AGAP1: variants seen among roughly 807,000 people sequenced by gnomAD.
The protein encoded by AGAP1 is ArfGAP with GTPase domain, ankyrin repeat and PH domain 1.
AGAP1 carries 29 observed loss-of-function variants against 105.3 expected under a neutral mutation model. That is an observed-to-expected ratio of 0.28 (90% CI 0.21 to 0.38). AGAP1 has a LOEUF of 0.38. AGAP1 is among the 10% of genes least tolerant of loss of function. AGAP1 has a pLI of 1.00. For synonymous variants in AGAP1, 509 were observed against 485.9 expected, an observed-to-expected ratio of 1.05 and a Z score of -0.63; for missense variants, 998 against 1,165.1, an observed-to-expected ratio of 0.86 and a Z score of 2.09.
In AGAP1 at chr2:235,709,302, G is replaced by A. The variant is rs1950708257; in HGVS notation, c.222+65G>A. 6.5e-6 allele frequency: 10 copies of A among 1,544,304 alleles called. 1 individual carries two copies. In the South Asian group the frequency reaches 8.9e-5, roughly 14 times the overall value. On this transcript the variant is annotated intron_variant, in intron 2 of 17. Transcript: ENST00000304032. ...AGGGGCTCTGTGCACACCCAAGCCTGCATTCCCAGGCAACTGGTCATCGCC... is the reference window on the plus strand; with the variant it reads ...AGGGGCTCTGTGCACACCCAAGCCTACATTCCCAGGCAACTGGTCATCGCC...
At position 235,692,646 on chromosome 2, in the gene AGAP1, C is replaced by T. The variant is rs1325197349; in HGVS notation, c.164-16533C>T. 6.6e-6 allele frequency among the ~76,000 whole-genome samples: 1 copy of T among 152,098 alleles called. No homozygotes were observed. Among genetic ancestry groups the T allele is most frequent in the Admixed American group, 6.5e-5 (1 of 15,276 alleles). On this transcript the variant is annotated intron_variant, in intron 1 of 17. Coordinates refer to ENST00000304032, the MANE Select transcript of AGAP1 (RefSeq NM_001037131.3). This position sits in a 1 kb window ranked among gnomAD's most constrained non-coding sequence, Gnocchi z 5.8. ...CTAGCCAGTGGGTTCCCCTCGCTGA[C>T]CCTCAGCCCTCAGGCCCAGCACCTC...
chr2:235,646,778 C>G (rs546701002), intron 1 of AGAP1, among the ~76,000 whole-genome samples: 2 of 152,324 alleles, frequency 1.3e-5, no homozygotes, highest in East Asian at 3.9e-4. Context: ...CTGAGGCCTT[C>G]TGTACAACCT....
Position 235,830,493 on chromosome 2 carries a change from G to A in AGAP1, c.1050+23162G>A, listed in dbSNP as rs1460697764. On this transcript the variant is annotated intron_variant, in intron 9 of 17. Coordinates refer to ENST00000304032, the MANE Select transcript of AGAP1 (RefSeq NM_001037131.3). This position sits in a 1 kb window ranked among gnomAD's most constrained non-coding sequence, Gnocchi z 5.5. ...ATTTCATTAAACATCCCATCAGAAA[G>A]CCTCTGATAGAGGGTGCCCTCTCAT... is the stretch of plus-strand genomic sequence containing the variant. 6.6e-6 allele frequency among the ~76,000 whole-genome samples: 1 copy of A among 152,136 alleles called. No homozygotes were observed. Among genetic ancestry groups the A allele is most frequent in the Non-Finnish European group, 1.5e-5 (1 of 68,038 alleles).
At chr2:235,640,795 G>T (rs1466131195) in intron 1 of AGAP1, among the ~76,000 whole-genome samples, 1 of 152,212 alleles carries the variant, frequency 6.6e-6, no homozygotes, top group Non-Finnish European at 1.5e-5. Context: ...GCCTGAGAGT[G>T]AGTCTGAGAG....
intron 13 of AGAP1, among the ~76,000 whole-genome samples, chr2:236,011,358 T>C (rs1434450604): frequency 1.3e-5 from 2 of 152,238 alleles, no homozygotes; most frequent in Non-Finnish European, 2.9e-5. Flanking sequence ...TTGTCTACAC[T>C]GGAGCTGACA....
chr2:235,867,394 C>T lies in AGAP1; in HGVS notation c.1051-15951C>T, dbSNP rs1355365593. On this transcript the variant is annotated intron_variant, in intron 9 of 17. Coordinates refer to ENST00000304032, the MANE Select transcript of AGAP1 (RefSeq NM_001037131.3). The surrounding 1 kb of genome is among the most constrained non-coding windows in gnomAD (Gnocchi z 5.4). ...GAAAGAGGCAGAGGATCAGATTTGG[C>T]CGACATGTGGGAGCTTGCCGGCCCC... 6.6e-6 allele frequency among the ~76,000 whole-genome samples: 1 copy of T among 152,176 alleles called. No homozygotes were observed. The highest frequency in any genetic ancestry group is 2.4e-5 in the African/African-American group (1 of 41,428).
In AGAP1 at chr2:235,967,775, A is replaced by T. The variant is rs2054470138; in HGVS notation, c.1484-687A>T. On this transcript the variant is annotated intron_variant, in intron 12 of 17. Coordinates refer to ENST00000304032, the MANE Select transcript of AGAP1 (RefSeq NM_001037131.3). This position sits in a 1 kb window ranked among gnomAD's most constrained non-coding sequence, Gnocchi z 4.7. ...TTGGCCTTCTCTTTGATAAAGATAC[A>T]AATGGACATAATACATTGAGAGTTT... is the stretch of plus-strand genomic sequence containing the variant. Among the ~76,000 whole-genome samples the T allele has an allele frequency of 6.6e-6, 1 of 152,218 alleles. No homozygotes were observed. Among genetic ancestry groups the T allele is most frequent in the Non-Finnish European group, 1.5e-5 (1 of 68,046 alleles).
At chr2:235,771,555 A>T (rs1406237530) in intron 6 of AGAP1, among the ~76,000 whole-genome samples, 2 of 152,148 alleles carry the variant, frequency 1.3e-5, no homozygotes, top group African/African-American at 4.8e-5. Context: ...TGTTCACGTG[A>T]CTTGAGAGCT....
intron 1 of AGAP1, among the ~76,000 whole-genome samples, chr2:235,686,620 G>GTATATGT (rs1949415742): frequency 3.5e-5 from 2 of 57,244 alleles, no homozygotes; most frequent in Admixed American, 2.4e-4. Context: ...TGGAGATATA[G>GTATATGT]ATATATATAT....
Position 235,550,712 on chromosome 2 carries a change from C to T in AGAP1, c.163+55863C>T, listed in dbSNP as rs1276159069. 2.6e-5 allele frequency among the ~76,000 whole-genome samples: 4 copies of T among 152,160 alleles called. No homozygotes were observed. The South Asian group carries it at 6.2e-4, about 24-fold the overall frequency. ...GCATGATGCGGAATGTAGTGACGAT[C>T]GCAAATCCTTCCTGTGGCCAAAGAG... On this transcript the variant is annotated intron_variant, in intron 1 of 17. Transcript: ENST00000304032. The surrounding 1 kb of genome is among the most constrained non-coding windows in gnomAD (Gnocchi z 4.6).
intron 16 of AGAP1, among the ~76,000 whole-genome samples, chr2:236,065,204 C>T (rs1181104716): frequency 2.6e-5 from 4 of 152,184 alleles, no homozygotes; most frequent in African/African-American, 4.8e-5. Flanking sequence ...CTGTTCCTGA[C>T]GTTCCCACTT....
At chr2:235,508,973 T>C (rs899036913) in intron 1 of AGAP1, among the ~76,000 whole-genome samples, 2 of 152,146 alleles carry the variant, frequency 1.3e-5, no homozygotes, top group Non-Finnish European at 2.9e-5. Context: ...TCCACCACTT[T>C]AGTCGGGGGC....
At chr2:236,047,598 C>CTTTTTTTTTTTTTTTTTTTTT (rs59007077) in intron 15 of AGAP1, among the ~76,000 whole-genome samples, 2 of 68,274 alleles carry the variant, frequency 2.9e-5, no homozygotes, top group Non-Finnish European at 5.0e-5. Flanking sequence ...TCTCACATTT[C>CTTTTTTTTTTTTTTTTTTTTT]TTTTTTTTTT....
intron 6 of AGAP1, among the ~76,000 whole-genome samples, chr2:235,782,399 C>T (rs73996378): frequency 0.014 from 2,137 of 152,228 alleles, 51 homozygotes; most frequent in African/African-American, 0.049. Flanking sequence ...TCACCATTTG[C>T]CATCTAAAAT....
chr2:235,881,106 C>T (rs1047495475), intron 9 of AGAP1, among the ~76,000 whole-genome samples: 2 of 152,168 alleles, frequency 1.3e-5, no homozygotes, highest in Admixed American at 6.5e-5. Context: ...AATATTTTCC[C>T]TTAAGCAACA....
Position 235,792,518 on chromosome 2 carries a change from A to AGGGGC in AGAP1, c.674-5240_674-5236dup, listed in dbSNP as rs1957040172. 1.3e-5 allele frequency among the ~76,000 whole-genome samples: 2 copies of AGGGGC among 152,164 alleles called. No individual in the cohort carries two copies. Among genetic ancestry groups the AGGGGC allele is most frequent in the African/African-American group, 4.8e-5 (2 of 41,430 alleles). On this transcript the variant is annotated intron_variant, in intron 6 of 17. Coordinates refer to ENST00000304032, the MANE Select transcript of AGAP1 (RefSeq NM_001037131.3). This position sits in a 1 kb window ranked among gnomAD's most constrained non-coding sequence, Gnocchi z 5.3. ...CTTTGAGGTCGCCCTGTGGTGTGTT[A>AGGGGC]GGGGCATTTAGGGGACAGTCAGGGA...
intron 10 of AGAP1, among the ~76,000 whole-genome samples, chr2:235,902,614 C>T (rs1156655846): frequency 6.6e-6 from 1 of 152,188 alleles, no homozygotes; most frequent in Non-Finnish European, 1.5e-5. Context: ...GTGTCAAGCT[C>T]ATAGTTAGAG....
chr2:235,686,356 TG>T (rs1044397569), intron 1 of AGAP1, among the ~76,000 whole-genome samples: 23 of 152,096 alleles, frequency 1.5e-4, no homozygotes, highest in African/African-American at 5.1e-4. Context: ...AGATTATCTT[TG>T]TTCCTGGTTT....
chr2:235,696,810 C>T (rs1950021194), intron 1 of AGAP1, among the ~76,000 whole-genome samples: 1 of 152,002 alleles, frequency 6.6e-6, no homozygotes, highest in Non-Finnish European at 1.5e-5. Context: ...ACAGTGAAAC[C>T]CCGTCTCTAC....
Sources: allele counts gnomAD v4.1 joint callset (sites outside exome capture counted in the v4.1 genomes callset), GRCh38; gene constraint gnomAD v4.1.1; non-coding constraint Gnocchi (gnomAD v3.1); transcripts MANE v1.5; gene names NCBI Gene and HGNC (gene_info 2026-07-23, HGNC 2026-07-21).